Variants in TMX4 observed in about 807,000 individuals in gnomAD.
TMX4 encodes thioredoxin-related transmembrane protein 4.
Under a neutral mutation model 33.3 loss-of-function variants are expected in TMX4, and 23 were observed. That is an observed-to-expected ratio of 0.69 (90% CI 0.50 to 0.98). The LOEUF (loss-of-function observed/expected upper bound fraction) is 0.98. Ranked by LOEUF, TMX4 falls within the 50% of genes least tolerant of loss-of-function variation. TMX4 has a pLI of 0.00. For synonymous variants in TMX4, 164 were observed against 161.5 expected, an observed-to-expected ratio of 1.02 and a Z score of -0.12; for missense variants, 399 against 448.9, an observed-to-expected ratio of 0.89 and a Z score of 1.01.
At chr20:7,986,754 T>C (rs2050632435) in intron 6 of TMX4, among the ~76,000 whole-genome samples, 2 of 152,190 alleles carry the variant, frequency 1.3e-5, no homozygotes, top group African/African-American at 4.8e-5. Context: ...AGATATATAC[T>C]GCATACTGAT....
intron 5 of TMX4, among the ~76,000 whole-genome samples, chr20:7,991,499 C>T (rs183039843): frequency 3.9e-4 from 60 of 152,236 alleles, no homozygotes; most frequent in African/African-American, 1.4e-3. Context: ...TCAAAATGCT[C>T]CAGTGAGCAC....
chr20:7,988,521 T>G (rs184874283), intron 5 of TMX4, among the ~76,000 whole-genome samples: 3 of 152,202 alleles, frequency 2.0e-5, no homozygotes, highest in Non-Finnish European at 4.4e-5. Context: ...GCAGAAGAGA[T>G]AGAGCTAAAG....
intron 3 of TMX4, among the ~76,000 whole-genome samples, chr20:8,000,309 T>C (rs753375173): frequency 3.9e-5 from 6 of 152,094 alleles, no homozygotes; most frequent in Non-Finnish European, 7.4e-5. Flanking sequence ...TCTCACCTAC[T>C]TGCAGCAATC....
intron 5 of TMX4, among the ~76,000 whole-genome samples, chr20:7,991,149 A>C (rs967634388): frequency 3.9e-5 from 6 of 152,208 alleles, no homozygotes; most frequent in Non-Finnish European, 8.8e-5. Context: ...TTCTAATAAA[A>C]AGGGAAGGTA....
rs2050603040 is a variant in TMX4 at position 7,980,980 on chromosome 20, T to G, written c.*1271A>C. On this transcript the variant is annotated 3_prime_UTR_variant, in exon 8 of 8. Coordinates refer to ENST00000246024, the MANE Select transcript of TMX4 (RefSeq NM_021156.4). ...GCATAGAATCAACTTTAGGCATCTT[T>G]CGTATGCTTGGAATCGAATTTCATG... is the stretch of plus-strand genomic sequence containing the variant. 1 of 152,230 alleles carries G rather than the reference T, an allele frequency of 6.6e-6. No individual in the cohort carries two copies. The highest frequency in any genetic ancestry group is 2.1e-4 in the South Asian group (1 of 4,832). 9.4% of individuals were successfully genotyped at this position (152,230 alleles called of 1,614,324 possible).
intron 4 of TMX4, among the ~76,000 whole-genome samples, chr20:7,997,768 G>A (rs989771159): frequency 6.6e-6 from 1 of 152,186 alleles, no homozygotes; most frequent in African/African-American, 2.4e-5. Flanking sequence ...AAATTGCTTT[G>A]CTAAATATCC....
intron 1 of TMX4, among the ~76,000 whole-genome samples, chr20:8,011,064 T>C (rs1164878229): frequency 6.6e-6 from 1 of 152,104 alleles, no homozygotes; most frequent in Non-Finnish European, 1.5e-5. Context: ...ATCATATTAT[T>C]CTTATTTTTG....
intron 6 of TMX4, among the ~76,000 whole-genome samples, chr20:7,986,842 C>T (rs2050632869): frequency 6.6e-6 from 1 of 152,032 alleles, no homozygotes; most frequent in Non-Finnish European, 1.5e-5. Flanking sequence ...GCATAAGCGG[C>T]TAGTCAGGAT....
chr20:7,995,962 T>G (rs1166925562), intron 5 of TMX4, 64 bp downstream of exon 5: 4 of 1,329,890 alleles, frequency 3.0e-6, no homozygotes, highest in Non-Finnish European at 4.2e-6. Context: ...TCCTATTGCT[T>G]AAAAGCTGTA....
chr20:8,019,671 C>G lies in TMX4; in HGVS notation c.-58G>C, dbSNP rs1389787817. Reference sequence around the variant, plus strand: ...GTGTGGGGAAGGGCAGCGGCCGGCCCGCAGCCTCGCTCGCCCGCCGGGTTT... The same window carrying G: ...GTGTGGGGAAGGGCAGCGGCCGGCCGGCAGCCTCGCTCGCCCGCCGGGTTT... On this transcript the variant is annotated 5_prime_UTR_variant, in exon 1 of 8. Transcript: ENST00000246024. The G allele has an allele frequency of 1.6e-6, 2 of 1,262,020 alleles. No homozygotes were observed. The highest frequency in any genetic ancestry group is 2.8e-5 in the South Asian group (1 of 36,154). The allele number at this position is 1,262,020 out of a possible 1,614,324, so 78.2% of individuals were successfully genotyped here. A position where few individuals can be genotyped will look rare whatever the true frequency, so the allele number is the denominator to read the frequency against.
chr20:7,984,521 A>G (rs1051916841), intron 6 of TMX4, among the ~76,000 whole-genome samples: 10 of 152,194 alleles, frequency 6.6e-5, no homozygotes, highest in Non-Finnish European at 1.3e-4. Flanking sequence ...AAAGAGAAAA[A>G]AAAACATTCC....
intron 2 of TMX4, among the ~76,000 whole-genome samples, chr20:8,008,022 T>C (rs1353364107): frequency 6.6e-6 from 1 of 152,242 alleles, no homozygotes; most frequent in Non-Finnish European, 1.5e-5. Flanking sequence ...ACAGGGCCTG[T>C]TTATGGTAGA....
chr20:7,990,435 A>T (rs2050649723), intron 5 of TMX4, among the ~76,000 whole-genome samples: 2 of 152,176 alleles, frequency 1.3e-5, no homozygotes, highest in Non-Finnish European at 2.9e-5. Context: ...AGAAGATGAA[A>T]TTAAAACATC....
At chr20:8,013,155 T>C (rs1464595607) in intron 1 of TMX4, among the ~76,000 whole-genome samples, 1 of 152,174 alleles carries the variant, frequency 6.6e-6, no homozygotes, top group East Asian at 1.9e-4. Flanking sequence ...GATACATATA[T>C]ATATAATTTA....
At chr20:7,990,987 A>G (rs921748240) in intron 5 of TMX4, among the ~76,000 whole-genome samples, 2 of 152,252 alleles carry the variant, frequency 1.3e-5, no homozygotes, top group South Asian at 2.1e-4. Flanking sequence ...TTTATACGAA[A>G]AAAACATTGA....
chr20:8,010,553 T>C (rs933556053), intron 1 of TMX4, among the ~76,000 whole-genome samples: 1 of 152,136 alleles, frequency 6.6e-6, no homozygotes, highest in Admixed American at 6.5e-5. Context: ...TTTCCAATAA[T>C]TATTATTATC....
At chr20:7,997,953 G>T (rs1240055853) in intron 4 of TMX4, among the ~76,000 whole-genome samples, 1 of 152,086 alleles carries the variant, frequency 6.6e-6, no homozygotes, top group Non-Finnish European at 1.5e-5. Context: ...GATCTCTCAG[G>T]AGATTTGGTT....
chr20:8,018,349 GGAGA>G (rs1158887842), intron 1 of TMX4, among the ~76,000 whole-genome samples: 9 of 86,378 alleles, frequency 1.0e-4, no homozygotes, highest in African/African-American at 1.4e-4. Flanking sequence ...GAGAGAGGAG[GGAGA>G]GAGAGAGAGA....
intron 1 of TMX4, chr20:8,013,904 T>C (rs1036732858): frequency 6.6e-6 from 1 of 152,214 alleles, no homozygotes; most frequent in Admixed American, 6.5e-5. Flanking sequence ...TTTCACTTAG[T>C]AGAACTTTGA....
Sources: gnomAD v4.1 joint callset for allele counts (sites outside exome capture counted in the v4.1 genomes callset) on GRCh38, gnomAD v4.1.1 for gene constraint, MANE v1.5 for transcripts, NCBI Gene and HGNC (gene_info 2026-07-23, HGNC 2026-07-21) for gene names.